The following CIT variants were observed in gnomAD, a reference collection of about 807,000 sequenced individuals.
CIT encodes citron Rho-interacting kinase.
Under a neutral mutation model 272.7 loss-of-function variants are expected in CIT, and 79 were observed. The ratio of observed to expected loss-of-function variants is 0.29; its 90% CI spans 0.24 to 0.35. The LOEUF (loss-of-function observed/expected upper bound fraction) is 0.35. Ranked by LOEUF, CIT falls within the 10% of genes least tolerant of loss-of-function variation. The pLI is 1.00. For synonymous variants in CIT, 948 were observed against 995.6 expected (o/e 0.95, Z 0.90); for missense variants, 1,909 against 2,618.3 (o/e 0.73, Z 5.91).
chr12:119,784,436 A>C lies in CIT; in HGVS notation c.1402-385T>G. The C allele has an allele frequency of 8.3e-7, 1 of 1,209,516 alleles. No homozygotes were observed. Among genetic ancestry groups the C allele is most frequent in the Admixed American group, 3.5e-5 (1 of 28,690 alleles). The allele number at this position is 1,209,516 out of a possible 1,614,324, so 74.9% of individuals were successfully genotyped here. ...CTCCTTGCAAAGATCTAGAGGACAA[A>C]TCCAGGACAGGGCAAGGAGATATTT... On this transcript the variant is annotated intron_variant, in intron 11 of 47. Transcript: ENST00000392521. The surrounding 1 kb of genome is among the most constrained non-coding windows in gnomAD (Gnocchi z 4.7).
chr12:119,842,324 G>A (rs1213463259), intron 5 of CIT, among the ~76,000 whole-genome samples: 2 of 148,198 alleles, frequency 1.3e-5, no homozygotes, highest in Non-Finnish European at 1.5e-5. Context: ...AGGAGGTAGA[G>A]GTTGCACTGA....
At chr12:119,731,881 G>A (rs902748912) in intron 26 of CIT, among the ~76,000 whole-genome samples, 1 of 148,534 alleles carries the variant, frequency 6.7e-6, no homozygotes, top group Non-Finnish European at 1.5e-5. Flanking sequence ...TGTCGCCCAG[G>A]CTGGAGTTCA....
chr12:119,867,689 C>A (rs1370149835), intron 3 of CIT, among the ~76,000 whole-genome samples: 1 of 152,030 alleles, frequency 6.6e-6, no homozygotes, highest in African/African-American at 2.4e-5. Flanking sequence ...CCCTTCCCCC[C>A]AAACTCACAC....
chr12:119,707,340 G>C (rs1475036825), intron 40 of CIT, among the ~76,000 whole-genome samples: 2 of 152,138 alleles, frequency 1.3e-5, no homozygotes, highest in African/African-American at 4.8e-5. Flanking sequence ...CCTAAAGGAG[G>C]CAACAGAAAT....
chr12:119,737,309 A>C (rs1958825477), intron 24 of CIT, among the ~76,000 whole-genome samples: 1 of 24,716 alleles, frequency 4.0e-5, no homozygotes, highest in Non-Finnish European at 7.8e-5. Flanking sequence ...TCCATCTCAA[A>C]AAAAAAAAAA....
At chr12:119,771,793 G>C (rs1471365041) in intron 17 of CIT, among the ~76,000 whole-genome samples, 1 of 152,172 alleles carries the variant, frequency 6.6e-6, no homozygotes, top group African/African-American at 2.4e-5. Flanking sequence ...AGCAGGAGAT[G>C]AACAGGAGAC....
chr12:119,764,607 C>CA (rs747882945), intron 19 of CIT, among the ~76,000 whole-genome samples: 3,151 of 59,198 alleles, frequency 0.053, 104 homozygotes, highest in Admixed American at 0.18. Context: ...GATCCTGTCT[C>CA]AAAAAAAAAA....
At chr12:119,855,622 T>C (rs1263579556) in intron 4 of CIT, among the ~76,000 whole-genome samples, 1 of 152,002 alleles carries the variant, frequency 6.6e-6, no homozygotes, top group Non-Finnish European at 1.5e-5. Flanking sequence ...AAATTCCAAA[T>C]GGCTCAGTTA....
chr12:119,700,670 C>T (rs755056484), intron 44 of CIT, 75 bp downstream of exon 44: 13 of 1,260,300 alleles, frequency 1.0e-5, no homozygotes, highest in African/African-American at 8.8e-5. Context: ...CGTGAGCCAC[C>T]GCACCCGGAT....
intron 2 of CIT, among the ~76,000 whole-genome samples, chr12:119,870,901 G>A (rs140039353): frequency 0.015 from 2,322 of 151,816 alleles, 63 homozygotes; most frequent in African/African-American, 0.053. Context: ...CAGGCGGATC[G>A]CGAGGTCAGA....
At chr12:119,858,240 G>A (rs1475112066) in intron 3 of CIT, among the ~76,000 whole-genome samples, 1 of 152,192 alleles carries the variant, frequency 6.6e-6, no homozygotes, top group East Asian at 1.9e-4. Context: ...GAGGGGTCCA[G>A]GCATGGTGGC....
At chr12:119,820,541 G>A (rs530972229) in intron 9 of CIT, among the ~76,000 whole-genome samples, 36 of 152,038 alleles carry the variant, frequency 2.4e-4, no homozygotes, top group Non-Finnish European at 4.6e-4. Flanking sequence ...CGGGAAGACT[G>A]TGTCTCAAAA....
At chr12:119,706,800 C>T (rs917850863) in intron 40 of CIT, among the ~76,000 whole-genome samples, 1 of 152,178 alleles carries the variant, frequency 6.6e-6, no homozygotes, top group Non-Finnish European at 1.5e-5. Context: ...TGGGTATATA[C>T]CCAGTAATGG....
rs1362005893 is a variant in CIT at position 119,768,903 on chromosome 12, C to CT, written c.2209-1722dup. Among the ~76,000 whole-genome samples the CT allele has an allele frequency of 6.6e-6, 1 of 152,186 alleles. No individual in the cohort carries two copies. Among genetic ancestry groups the CT allele is most frequent in the Non-Finnish European group, 1.5e-5 (1 of 68,032 alleles). ...TTACATAATGGTACTAAGGACCACT[C>CT]TTTGCCCACCTCCTAGATACTTTGC... is the stretch of plus-strand genomic sequence containing the variant. On this transcript the variant is annotated intron_variant, in intron 18 of 47. Transcript: ENST00000392521. This position sits in a 1 kb window ranked among gnomAD's most constrained non-coding sequence, Gnocchi z 4.3.
intron 9 of CIT, among the ~76,000 whole-genome samples, chr12:119,812,264 A>G (rs780569919): frequency 1.3e-5 from 2 of 152,014 alleles, no homozygotes; most frequent in Non-Finnish European, 2.9e-5. Context: ...GGACACATTT[A>G]AGTAATAGCA....
intron 40 of CIT, among the ~76,000 whole-genome samples, chr12:119,705,976 G>A (rs1224971925): frequency 6.6e-6 from 1 of 151,270 alleles, no homozygotes; most frequent in African/African-American, 2.4e-5. Flanking sequence ...TGTAGTCCCA[G>A]CTACTTGGGA....
intron 5 of CIT, among the ~76,000 whole-genome samples, chr12:119,840,193 C>T (rs1389181882): frequency 6.6e-6 from 1 of 152,140 alleles, no homozygotes. Context: ...TAGTATATGC[C>T]TATAGTCCCA....
intron 22 of CIT, among the ~76,000 whole-genome samples, chr12:119,754,038 T>C (rs1960623098): frequency 6.6e-6 from 1 of 152,208 alleles, no homozygotes; most frequent in Non-Finnish European, 1.5e-5. Flanking sequence ...AAGCCATGGC[T>C]ATTATCTCTC....
chr12:119,702,097 G>A (rs1253053571), intron 41 of CIT, 139 bp from the exon 42 acceptor site: 3 of 640,134 alleles, frequency 4.7e-6, no homozygotes, highest in African/African-American at 3.7e-5. Flanking sequence ...TTGTCATAGA[G>A]AGCCATTCAT....
Sources: gnomAD v4.1 joint callset for allele counts (sites outside exome capture counted in the v4.1 genomes callset) on GRCh38, gnomAD v4.1.1 for gene constraint, Gnocchi (gnomAD v3.1) non-coding constraint, MANE v1.5 for transcripts, NCBI Gene and HGNC (gene_info 2026-07-23, HGNC 2026-07-21) for gene names.